GFRA2: variants seen among roughly 807,000 people sequenced by gnomAD.
GFRA2 encodes the protein GDNF family receptor alpha 2.
A neutral mutation model predicts 48.3 loss-of-function variants in GFRA2; 17 were observed. That is an observed-to-expected ratio of 0.35 (90% CI 0.24 to 0.53). The LOEUF is 0.53. Among genes scored for constraint, GFRA2 ranks in the 20% least tolerant of loss-of-function variants. The probability of loss-of-function intolerance (pLI) is 0.93; values close to 1 mark genes in which losing one functional copy is unlikely to be tolerated. For synonymous variants in GFRA2, 305 were observed against 257.2 expected (o/e 1.19, Z -1.78); for missense variants, 660 against 637.3 (o/e 1.04, Z -0.38).
intron 4 of GFRA2, among the ~76,000 whole-genome samples, chr8:21,728,265 G>GTTTTTTTTT (rs34490346): frequency 1.5e-5 from 1 of 65,292 alleles, no homozygotes; most frequent in Non-Finnish European, 2.7e-5. Flanking sequence ...CGGGAACCAG[G>GTTTTTTTTT]TTTTTTTTTT....
chr8:21,712,634 A>G (rs1803110646), intron 4 of GFRA2, among the ~76,000 whole-genome samples: 1 of 151,956 alleles, frequency 6.6e-6, no homozygotes. Flanking sequence ...CAATCTTGGC[A>G]CTTTGGGAGG....
At chr8:21,744,110 G>C (rs915147844) in intron 4 of GFRA2, among the ~76,000 whole-genome samples, 1 of 152,142 alleles carries the variant, frequency 6.6e-6, no homozygotes, top group Non-Finnish European at 1.5e-5. Flanking sequence ...TAAGCTGAGG[G>C]ACAGTCCCAA....
At chr8:21,733,997 G>T (rs1317314920) in intron 4 of GFRA2, among the ~76,000 whole-genome samples, 4 of 152,196 alleles carry the variant, frequency 2.6e-5, no homozygotes, top group Non-Finnish European at 5.9e-5. Context: ...AGGGAGGGCA[G>T]GGGACCAAAA....
chr8:21,729,805 C>T (rs1202385175), intron 4 of GFRA2, among the ~76,000 whole-genome samples: 1 of 152,180 alleles, frequency 6.6e-6, no homozygotes. Flanking sequence ...GAACGACTCT[C>T]CTCTCCACTC....
chr8:21,792,675 T>A (rs942681464), upstream of GFRA2, among the ~76,000 whole-genome samples: 6 of 152,124 alleles, frequency 3.9e-5, no homozygotes, highest in African/African-American at 7.2e-5. Context: ...GGGGTAGGAT[T>A]CAAGCTGGAG....
At chr8:21,766,399 A>G (rs951079842) in intron 3 of GFRA2, among the ~76,000 whole-genome samples, 2 of 151,980 alleles carry the variant, frequency 1.3e-5, no homozygotes, top group Non-Finnish European at 2.9e-5. Context: ...GCACCCGCCC[A>G]TGTTGTTCGC....
chr8:21,796,784 G>GT (rs1422202437), intron 2 of GFRA2, among the ~76,000 whole-genome samples: 2 of 152,210 alleles, frequency 1.3e-5, no homozygotes, highest in Admixed American at 6.5e-5. Context: ...GCAGAGCAAT[G>GT]TTTAACCTCA....
chr8:21,803,156 A>G (rs908459176), intron 2 of GFRA2, among the ~76,000 whole-genome samples: 9 of 152,222 alleles, frequency 5.9e-5, no homozygotes, highest in Non-Finnish European at 4.4e-5. Context: ...ACGGTCACTC[A>G]GGGATCCAGG....
At chr8:21,787,977 C>T (rs993909888) in intron 1 of GFRA2, 143 bp downstream of exon 1, 13 of 446,244 alleles carry the variant, frequency 2.9e-5, no homozygotes, top group African/African-American at 1.7e-4. Flanking sequence ...CGGCCCCGCT[C>T]GGTTCGCCAG....
Position 21,788,391 on chromosome 8 carries a change from C to T in GFRA2, c.-232G>A, listed in dbSNP as rs1807392843. On this transcript the variant is annotated 5_prime_UTR_variant, in exon 1 of 9. Transcript: ENST00000524240. Reference sequence around the variant, plus strand: ...TGCTGCCTCTCGACGCCCCCCTTGCCCGCTACAATCAAATATACGCGTATC... The same window carrying T: ...TGCTGCCTCTCGACGCCCCCCTTGCTCGCTACAATCAAATATACGCGTATC... 2 of 1,337,452 alleles carry T rather than the reference C, an allele frequency of 1.5e-6. No homozygotes were observed. Among genetic ancestry groups the T allele is most frequent in the Admixed American group, 3.7e-5 (1 of 26,956 alleles). 82.8% of individuals were successfully genotyped at this position (1,337,452 alleles called of 1,614,324 possible).
chr8:21,735,560 G>C (rs549696052), intron 4 of GFRA2, among the ~76,000 whole-genome samples: 14 of 152,258 alleles, frequency 9.2e-5, no homozygotes, highest in African/African-American at 3.4e-4. Flanking sequence ...CTGGTGCTGA[G>C]TGGTCTCTCT....
intron 2 of GFRA2, among the ~76,000 whole-genome samples, chr8:21,780,556 C>G (rs1585334873): frequency 6.6e-6 from 1 of 152,118 alleles, no homozygotes; most frequent in African/African-American, 2.4e-5. Flanking sequence ...AGGCTCATGT[C>G]CCTTCCTCAG....
chr8:21,722,314 G>A (rs1387643123), intron 4 of GFRA2, among the ~76,000 whole-genome samples: 1 of 152,190 alleles, frequency 6.6e-6, no homozygotes, highest in South Asian at 2.1e-4. Context: ...CTTAGGAGGA[G>A]GGTGAAGTCT....
chr8:21,730,368 A>C (rs543116741), intron 4 of GFRA2, among the ~76,000 whole-genome samples: 1 of 151,532 alleles, frequency 6.6e-6, no homozygotes, highest in African/African-American at 2.4e-5. Flanking sequence ...GTGCCATTGC[A>C]TTCCAGCCTG....
intron 4 of GFRA2, among the ~76,000 whole-genome samples, chr8:21,716,098 G>A (rs567908630): frequency 1.1e-4 from 17 of 152,206 alleles, no homozygotes; most frequent in South Asian, 6.2e-4. Flanking sequence ...AGAGGCAGGC[G>A]GATTACTTGA....
At chr8:21,775,989 C>CTGTGTGTGTGTGTG (rs200687629) in intron 2 of GFRA2, among the ~76,000 whole-genome samples, 10 of 126,398 alleles carry the variant, frequency 7.9e-5, no homozygotes, top group Non-Finnish European at 1.2e-4. Flanking sequence ...CACTCATCCT[C>CTGTGTGTGTGTGTG]TGTGTGTGTG....
Position 21,750,107 on chromosome 8 carries a change from A to ACACGCG in GFRA2, c.794+480_794+481insCGCGTG, listed in dbSNP as rs1805215894. On this transcript the variant is annotated intron_variant, in intron 4 of 8. Coordinates refer to ENST00000524240, the MANE Select transcript of GFRA2 (RefSeq NM_001495.5). The surrounding 1 kb of genome is among the most constrained non-coding windows in gnomAD (Gnocchi z 5.7). Reference sequence around the variant, plus strand: ...TGTGTATACACACACACACACACACACACGCACATATATAGGTAGAGACTG... The same window carrying ACACGCG: ...TGTGTATACACACACACACACACACACACGCGCACGCACATATATAGGTAGAGACTG... 6.6e-6 allele frequency among the ~76,000 whole-genome samples: 1 copy of ACACGCG among 150,656 alleles called. No individual in the cohort carries two copies. Among genetic ancestry groups the ACACGCG allele is most frequent in the African/African-American group, 2.4e-5 (1 of 40,830 alleles).
At chr8:21,708,724 G>C (rs1487240777) in intron 4 of GFRA2, among the ~76,000 whole-genome samples, 1 of 152,154 alleles carries the variant, frequency 6.6e-6, no homozygotes, top group Non-Finnish European at 1.5e-5. Context: ...GAGTGATGAA[G>C]CCAGAAGCCA....
At chr8:21,768,807 T>C (rs954666186) in intron 3 of GFRA2, among the ~76,000 whole-genome samples, 31 of 152,228 alleles carry the variant, frequency 2.0e-4, no homozygotes, top group African/African-American at 6.3e-4. Flanking sequence ...AGCTCTGTCA[T>C]GGAGAAGTCC....
Sources: allele counts gnomAD v4.1 joint callset (sites outside exome capture counted in the v4.1 genomes callset), GRCh38; gene constraint gnomAD v4.1.1; non-coding constraint Gnocchi (gnomAD v3.1); transcripts MANE v1.5; gene names NCBI Gene and HGNC (gene_info 2026-07-23, HGNC 2026-07-21).